Variants in OBP2A observed in about 807,000 individuals in gnomAD.
OBP2A encodes the protein odorant binding protein 2A.
A neutral mutation model predicts 21.9 loss-of-function variants in OBP2A; 15 were observed. The ratio of observed to expected loss-of-function variants is 0.69; its 90% CI spans 0.46 to 1.06. The LOEUF is 1.06. Among genes scored for constraint, OBP2A ranks in the 50% least tolerant of loss-of-function variants. OBP2A has a pLI of 0.00. For synonymous variants in OBP2A, 86 were observed against 91.8 expected, an observed-to-expected ratio of 0.94 and a Z score of 0.36; for missense variants, 192 against 220.1, an observed-to-expected ratio of 0.87 and a Z score of 0.81.
Position 135,549,967 on chromosome 9 carries a change from C to T in OBP2A, c.*132C>T, listed in dbSNP as rs953696835. ...TGACTCCAAATAAAGAGCTTCTCCC[C>T]CAGCTCTGGGCAGGCCTATCTGTGG... On this transcript the variant is annotated 3_prime_UTR_variant, in exon 7 of 7. Coordinates refer to ENST00000371776, the MANE Select transcript of OBP2A (RefSeq NM_014582.3). 1.9e-5 allele frequency: 27 copies of T among 1,451,552 alleles called. No homozygotes were observed. The highest frequency in any genetic ancestry group is 6.3e-5 in the Admixed American group (3 of 47,436). The allele number at this position is 1,451,552 out of a possible 1,614,324, so 89.9% of individuals were successfully genotyped here.
chr9:135,546,449 C>T lies in OBP2A; in HGVS notation c.72+197C>T, dbSNP rs965546827. Among the ~76,000 whole-genome samples the T allele has an allele frequency of 8.5e-5, 13 of 152,128 alleles. No homozygotes were observed. The East Asian group carries it at 1.7e-3, about 20-fold the overall frequency. ...CCGAGGCCCAGGGCCGGAGCAGGCTCGGCTCAGGGGTTCCTGCTGCACTGA... is the reference window on the plus strand; with the variant it reads ...CCGAGGCCCAGGGCCGGAGCAGGCTTGGCTCAGGGGTTCCTGCTGCACTGA... On this transcript the variant is annotated intron_variant, in intron 1 of 6. Transcript: ENST00000371776.
chr9:135,548,711 G>A lies in OBP2A; in HGVS notation c.392G>A (p.Arg131Lys), dbSNP rs1204887533. 1.9e-6 allele frequency: 3 copies of A among 1,613,850 alleles called. No homozygotes were observed. The highest frequency in any genetic ancestry group is 2.5e-6 in the Non-Finnish European group (3 of 1,179,896). The change falls in exon 5 of 7, where the codon AGG becomes AAG. Residue 131 changes from arginine (R) to lysine (K), a missense_variant. Coordinates refer to ENST00000371776, the MANE Select transcript of OBP2A (RefSeq NM_014582.3). ...GLRYMGKLVGRNPNTNLEALE... is the reference protein window; with the variant it reads ...GLRYMGKLVGKNPNTNLEALE... ...CACCTGGCCACCTCACCTGCAGGTA[G>A]GAATCCTAATACCAACCTGGAGGCC...
chr9:135,549,936 C>T lies in OBP2A; in HGVS notation c.*101C>T. ...CAGCCATGACCCTTCCCTGCTCCCA[C>T]CCACCTGACTCCAAATAAAGAGCTT... On this transcript the variant is annotated 3_prime_UTR_variant, in exon 7 of 7. Transcript: ENST00000371776. 5 of 1,535,982 alleles carry T rather than the reference C, an allele frequency of 3.3e-6. No individual in the cohort carries two copies. In the South Asian group the frequency reaches 4.9e-5, roughly 15 times the overall value.
At position 135,546,832 on chromosome 9, in the gene OBP2A, G is replaced by T; in HGVS notation, c.127G>T (p.Asp43Tyr). ...GGTGGTCGATAAGGACTTTCCGGAG[G>T]ACAGGAGGCCCAGGAAGGTGTCCCC... ...AMVVDKDFPE[D>Y]RRPRKVSPVK... Residue 43 changes from aspartate to tyrosine, a missense_variant, in exon 2 of 7, where the codon GAC (aspartate) becomes TAC (tyrosine). Physicochemically the swap from Asp to Tyr is radical, Grantham distance 160 (BLOSUM62 -3). Coordinates refer to ENST00000371776, the MANE Select transcript of OBP2A (RefSeq NM_014582.3). 6.2e-7 allele frequency: 1 copy of T among 1,613,562 alleles called. No homozygotes were observed. The highest frequency in any genetic ancestry group is 1.3e-5 in the African/African-American group (1 of 74,994).
Position 135,549,889 on chromosome 9 carries a change from C to T in OBP2A, c.*54C>T, listed in dbSNP as rs535546261. 36 of 1,548,888 alleles carry T rather than the reference C, an allele frequency of 2.3e-5. No homozygotes were observed. The highest frequency in any genetic ancestry group is 1.6e-4 in the South Asian group (13 of 83,816). ...CCACCCTACCACCAGACACAGAGCCCGGACCACCTGGACCTACCCTCCAGC... is the reference window on the plus strand; with the variant it reads ...CCACCCTACCACCAGACACAGAGCCTGGACCACCTGGACCTACCCTCCAGC... On this transcript the variant is annotated 3_prime_UTR_variant, in exon 7 of 7. Transcript: ENST00000371776.
chr9:135,548,563 C>T lies in OBP2A; in HGVS notation c.389-145C>T. ...CTGGACAGTTGCCATCTCTTCTGTC[C>T]CCAGCCCCACCCCTGAGCTCTGATC... On this transcript the variant is annotated intron_variant, in intron 4 of 6. Coordinates refer to ENST00000371776, the MANE Select transcript of OBP2A (RefSeq NM_014582.3). 4.1e-6 allele frequency: 5 copies of T among 1,209,898 alleles called. No homozygotes were observed. In the South Asian group the frequency reaches 7.6e-5, roughly 18 times the overall value. The allele number at this position is 1,209,898 out of a possible 1,614,324, so 74.9% of individuals were successfully genotyped here. A position where few individuals can be genotyped will look rare whatever the true frequency, so the allele number is the denominator to read the frequency against.
intron 4 of OBP2A, among the ~76,000 whole-genome samples, chr9:135,548,274 G>A (rs1832006281): frequency 6.6e-6 from 1 of 152,126 alleles, no homozygotes; most frequent in African/African-American, 2.4e-5. Context: ...CATCTTAACA[G>A]AGCTCTTCAT....
In OBP2A at chr9:135,547,925, T is replaced by C. The variant is rs549180465; in HGVS notation, c.332T>C (p.Val111Ala). 6.2e-7 allele frequency: 1 copy of C among 1,613,490 alleles called. No homozygotes were observed. Among genetic ancestry groups the C allele is most frequent in the African/African-American group, 1.3e-5 (1 of 75,030 alleles). Residue 111 changes from valine (V) to alanine (A), a missense_variant, in exon 4 of 7, where the codon GTC becomes GCC. By Grantham distance (64) the Val-to-Ala change is moderately conservative. Transcript: ENST00000371776. ...GAGCTGCCCGGGACGGACGACTACG[T>C]CTTTTACTGCAAAGACCAGCGCCGT... ...LQELPGTDDYVFYCKDQRRGG... is the reference protein window; with the variant it reads ...LQELPGTDDYAFYCKDQRRGG...
At position 135,549,285 on chromosome 9, in the gene OBP2A, T is replaced by C. The variant is rs763825923; in HGVS notation, c.491-23T>C. 23 of 1,506,962 alleles carry C rather than the reference T, an allele frequency of 1.5e-5. 5 individuals carry two copies. Among genetic ancestry groups the C allele is most frequent in the East Asian group, 4.6e-5 (2 of 43,656 alleles). The allele number at this position is 1,506,962 out of a possible 1,614,324, so 93.3% of individuals were successfully genotyped here. ...CTGGTCTAGGGCGCCTTCTAATCCCTGGGTTTTTCTTGGTCTCTGCAGGAA... is the reference window on the plus strand; with the variant it reads ...CTGGTCTAGGGCGCCTTCTAATCCCCGGGTTTTTCTTGGTCTCTGCAGGAA... On this transcript the variant is annotated intron_variant, in intron 5 of 6. Coordinates refer to ENST00000371776, the MANE Select transcript of OBP2A (RefSeq NM_014582.3).
rs763232511 is a variant in OBP2A at position 135,546,239 on chromosome 9, TGGA to T, written c.69_71del (p.Glu23del). On this transcript the variant is annotated inframe_deletion, in exon 1 of 7. Transcript: ENST00000371776. ...CTGGCCGCTGCCCTGTCCTTCACCC[TGGA>T]GGAGGAGGATGTGAGCTGGGTTGGC... 1.3e-6 allele frequency: 2 copies of T among 1,511,950 alleles called. No individual in the cohort carries two copies. Among genetic ancestry groups the T allele is most frequent in the South Asian group, 1.2e-5 (1 of 84,638 alleles). 93.7% of individuals were successfully genotyped at this position (1,511,950 alleles called of 1,614,324 possible).
At position 135,549,867 on chromosome 9, in the gene OBP2A, C is replaced by T. The variant is rs568564087; in HGVS notation, c.*32C>T. 8.4e-5 allele frequency: 130 copies of T among 1,549,138 alleles called. No individual in the cohort carries two copies. The Admixed American group carries it at 1.2e-3, about 14-fold the overall frequency. ...CCCGGGTCTGCACCTCCAGAGCCCA[C>T]CCTACCACCAGACACAGAGCCCGGA... On this transcript the variant is annotated 3_prime_UTR_variant, in exon 7 of 7. Transcript: ENST00000371776.
Position 135,549,846 on chromosome 9 carries a change from G to A in OBP2A, c.*11G>A. The A allele has an allele frequency of 6.5e-7, 1 of 1,547,428 alleles. No homozygotes were observed. Among genetic ancestry groups the A allele is most frequent in the Non-Finnish European group, 8.7e-7 (1 of 1,145,548 alleles). ...CCTCTTCCCAGCACAGCAGCCCCCG[G>A]GTCTGCACCTCCAGAGCCCACCCTA... is the stretch of plus-strand genomic sequence containing the variant. On this transcript the variant is annotated 3_prime_UTR_variant, in exon 7 of 7. Coordinates refer to ENST00000371776, the MANE Select transcript of OBP2A (RefSeq NM_014582.3).
chr9:135,549,886 G>A lies in OBP2A; in HGVS notation c.*51G>A, dbSNP rs748510751. Reference sequence around the variant, plus strand: ...AGCCCACCCTACCACCAGACACAGAGCCCGGACCACCTGGACCTACCCTCC... The same window carrying A: ...AGCCCACCCTACCACCAGACACAGAACCCGGACCACCTGGACCTACCCTCC... On this transcript the variant is annotated 3_prime_UTR_variant, in exon 7 of 7. Coordinates refer to ENST00000371776, the MANE Select transcript of OBP2A (RefSeq NM_014582.3). 3.1e-5 allele frequency: 48 copies of A among 1,548,614 alleles called. No homozygotes were observed. In the South Asian group the frequency reaches 4.2e-4, roughly 13 times the overall value.
At position 135,546,568 on chromosome 9, in the gene OBP2A, C is replaced by T. The variant is rs537887428; in HGVS notation, c.73-210C>T. On this transcript the variant is annotated intron_variant, in intron 1 of 6. Coordinates refer to ENST00000371776, the MANE Select transcript of OBP2A (RefSeq NM_014582.3). ...GGGGGTCCATGGGGTGCAGACATGC[C>T]CTCCTTCCACTGGGGGCTGGGAGCC... Among the ~76,000 whole-genome samples, 18 of 151,798 alleles carry T rather than the reference C, an allele frequency of 1.2e-4. No individual in the cohort carries two copies. The East Asian group carries it at 3.5e-3, about 30-fold the overall frequency.
In OBP2A at chr9:135,547,164, C is replaced by T. The variant is rs758273815; in HGVS notation, c.207-14C>T. ...GTCCTGGGAGCCGCTGCCCGAGTGT[C>T]TCCTGTTTTCCAGGAGGGAGGATCG... is the stretch of plus-strand genomic sequence containing the variant. On this transcript the variant is annotated splice_polypyrimidine_tract_variant and intron_variant, in intron 2 of 6. Coordinates refer to ENST00000371776, the MANE Select transcript of OBP2A (RefSeq NM_014582.3). 16 of 1,611,630 alleles carry T rather than the reference C, an allele frequency of 9.9e-6. No homozygotes were observed. In the South Asian group the frequency reaches 1.3e-4, roughly 13 times the overall value.
rs1402788575 is a variant in OBP2A, at chr9:135,547,943, A to T, written c.350A>T (p.Gln117Leu). 1 of 1,613,344 alleles carries T rather than the reference A, an allele frequency of 6.2e-7. No individual in the cohort carries two copies. The highest frequency in any genetic ancestry group is 8.5e-7 in the Non-Finnish European group (1 of 1,179,578). Residue 117 changes from glutamine (Q) to leucine (L), a missense_variant, in exon 4 of 7, where the codon CAG becomes CTG. Physicochemically the swap from Gln to Leu is moderately radical, Grantham distance 113. Transcript: ENST00000371776. ...TDDYVFYCKD[Q>L]RRGGLRYMGK... ...GACTACGTCTTTTACTGCAAAGACC[A>T]GCGCCGTGGGGGCCTGCGCTACATG...
At chr9:135,546,705 G>T (rs1831941611) in intron 1 of OBP2A, 73 bp from the exon 2 acceptor site, 33 of 1,535,526 alleles carry the variant, frequency 2.1e-5, no homozygotes, top group Non-Finnish European at 2.8e-5. Flanking sequence ...GGTTATAGCT[G>T]CAGGCCTGAG....
In OBP2A at chr9:135,548,731, G is replaced by C. The variant is rs759964238; in HGVS notation, c.412G>C (p.Glu138Gln). The change falls in exon 5 of 7, where the codon GAG becomes CAG. Residue 138 changes from glutamate to glutamine, a missense_variant. Transcript: ENST00000371776. ...AGGTAGGAATCCTAATACCAACCTG[G>C]AGGCCCTGGAAGAATTTAAGAAATT... ...LVGRNPNTNL[E>Q]ALEEFKKLVQ... is the part of the protein sequence containing the mutation. 6.2e-7 allele frequency: 1 copy of C among 1,614,044 alleles called. No individual in the cohort carries two copies. Among genetic ancestry groups the C allele is most frequent in the Non-Finnish European group, 8.5e-7 (1 of 1,179,942 alleles).
In OBP2A at chr9:135,548,799, C is replaced by T. The variant is rs763273056; in HGVS notation, c.480C>T (p.Pro160=). ...TCTCGGAGGAGGACATTTTCATGCC[C>T]CTGCAGACGGGTGAGGACGGCTGTG... ...KGLSEEDIFM[P]LQTGSCVLEH The change falls in exon 5 of 7, where the codon CCC becomes CCT. Residue 160 remains proline (P), a synonymous_variant. Coordinates refer to ENST00000371776, the MANE Select transcript of OBP2A (RefSeq NM_014582.3). 1 of 1,613,808 alleles carries T rather than the reference C, an allele frequency of 6.2e-7. No homozygotes were observed. Among genetic ancestry groups the T allele is most frequent in the Admixed American group, 1.7e-5 (1 of 60,010 alleles).
Sources: allele counts gnomAD v4.1 joint callset (sites outside exome capture counted in the v4.1 genomes callset), GRCh38; gene constraint gnomAD v4.1.1; transcripts MANE v1.5; gene names NCBI Gene and HGNC (gene_info 2026-07-23, HGNC 2026-07-21).